The following IFFO1 variants were observed in gnomAD, a reference collection of about 807,000 sequenced individuals.
The protein encoded by IFFO1 is non-homologous end joining factor IFFO1.
IFFO1 carries 42 observed loss-of-function variants against 59.6 expected under a neutral mutation model. The ratio of observed to expected loss-of-function variants is 0.70; its 90% confidence interval spans 0.55 to 0.91. The LOEUF is 0.91. IFFO1 is among the 40% of genes least tolerant of loss of function. The pLI, the probability that IFFO1 is intolerant of heterozygous loss-of-function variation, is 0.00. For synonymous variants in IFFO1, 336 were observed against 342.8 expected (o/e 0.98, Z 0.22); for missense variants, 711 against 793.2 (o/e 0.90, Z 1.24).
chr12:6,541,512 C>A lies in IFFO1; in HGVS notation c.1610G>T (p.Arg537Leu). Residue 537 changes from arginine (R) to leucine (L), a missense_variant and splice_region_variant, in exon 9 of 10, where the codon CGA becomes CTA. Arg to Leu is a moderately radical substitution (Grantham distance 102, BLOSUM62 -2). Around this residue, in one of 3 missense-constraint regions of IFFO1, gnomAD observed 579 missense variants for 650.3 expected, o/e 0.89. Coordinates refer to ENST00000619571, the MANE Select transcript of IFFO1 (RefSeq NM_001193457.2). This position sits in a 1 kb window ranked among gnomAD's most constrained non-coding sequence, Gnocchi z 4.8. ...CRRLITQSGD[R>L]KSPAFTAVPL... is the part of the protein sequence containing the mutation. ...CCCCATGCCCAGGGGAGGCGCCTAC[C>A]GGTCTCCAGACTGGGTGATGAGCCG... 4 of 1,613,636 alleles carry A rather than the reference C, an allele frequency of 2.5e-6. No homozygotes were observed. Among genetic ancestry groups the A allele is most frequent in the Non-Finnish European group, 3.4e-6 (4 of 1,179,982 alleles).
At chr12:6,547,372 G>C (rs1441276946) in intron 8 of IFFO1, among the ~76,000 whole-genome samples, 3 of 151,410 alleles carry the variant, frequency 2.0e-5, no homozygotes, top group Non-Finnish European at 4.4e-5. Context: ...TGGAGTGACA[G>C]AGCAAGACCC....
chr12:6,545,423 C>T (rs1256965145), intron 8 of IFFO1, among the ~76,000 whole-genome samples: 3 of 151,968 alleles, frequency 2.0e-5, no homozygotes, highest in East Asian at 1.9e-4. Flanking sequence ...CTGCCGGGCG[C>T]GGTGGCTCAC....
rs137863705 is a variant in IFFO1, at chr12:6,552,077, G to T, written c.774-1076C>A. 3.1e-4 allele frequency among the ~76,000 whole-genome samples: 47 copies of T among 152,294 alleles called. No homozygotes were observed. The East Asian group carries it at 9.1e-3, about 29-fold the overall frequency. ...GTCAACCCGAGAAGGGAGGGGAACT[G>T]CACCAAGAGAGAAACTTCAACACAA... is the stretch of plus-strand genomic sequence containing the variant. On this transcript the variant is annotated intron_variant, in intron 1 of 9. Transcript: ENST00000619571.
At chr12:6,546,921 G>A (rs1418944363) in intron 8 of IFFO1, among the ~76,000 whole-genome samples, 2 of 152,186 alleles carry the variant, frequency 1.3e-5, no homozygotes, top group Non-Finnish European at 2.9e-5. Flanking sequence ...TTATCTCAAA[G>A]GCTGAGTGGA....
chr12:6,553,148 G>T (rs536424470), intron 1 of IFFO1, among the ~76,000 whole-genome samples: 3 of 152,278 alleles, frequency 2.0e-5, no homozygotes, highest in African/African-American at 7.2e-5. Flanking sequence ...GCTATAAAGA[G>T]ACCAGAATGA....
At chr12:6,546,186 A>C (rs1412791774) in intron 8 of IFFO1, among the ~76,000 whole-genome samples, 1 of 152,256 alleles carries the variant, frequency 6.6e-6, no homozygotes, top group Non-Finnish European at 1.5e-5. Context: ...ATGAACAGAA[A>C]CACGTTCCAG....
At chr12:6,552,540 A>G (rs1442880401) in intron 1 of IFFO1, among the ~76,000 whole-genome samples, 1 of 152,118 alleles carries the variant, frequency 6.6e-6, no homozygotes, top group Non-Finnish European at 1.5e-5. Flanking sequence ...TGGTTTCTTC[A>G]TCTATGATGT....
At position 6,548,179 on chromosome 12, in the gene IFFO1, CGGGG is replaced by C; in HGVS notation, c.1384-23_1384-20del. ...CCTGCTGCTGGAGTAGAAAGGGAAG[CGGGG>C]GAGGCCAGCCAAGGAGGGATGGGAT... On this transcript the variant is annotated intron_variant, in intron 7 of 9. Coordinates refer to ENST00000619571, the MANE Select transcript of IFFO1 (RefSeq NM_001193457.2). The surrounding 1 kb of genome is among the most constrained non-coding windows in gnomAD (Gnocchi z 6.1). 6.2e-7 allele frequency: 1 copy of C among 1,601,558 alleles called. No individual in the cohort carries two copies. The highest frequency in any genetic ancestry group is 8.6e-7 in the Non-Finnish European group (1 of 1,168,864).
chr12:6,551,113 C>A, intron 1 of IFFO1, 112 bp from the exon 2 acceptor site: 1 of 1,065,564 alleles, frequency 9.4e-7, no homozygotes, highest in East Asian at 2.5e-5. Flanking sequence ...TTCTGGTTCC[C>A]TGGATGGGGA....
chr12:6,550,004 C>A (rs1947164772), intron 3 of IFFO1, 108 bp from the exon 4 acceptor site: 1 of 1,246,538 alleles, frequency 8.0e-7, no homozygotes, highest in Admixed American at 2.3e-5. Context: ...ACCGGTGCCT[C>A]TTCTGTGGAG....
rs563989383 is a variant in IFFO1, at chr12:6,555,116, A to G, written c.773+141T>C. 25 of 831,574 alleles carry G rather than the reference A, an allele frequency of 3.0e-5. No homozygotes were observed. The highest frequency in any genetic ancestry group is 5.1e-5 in the East Asian group (2 of 39,304). The allele number at this position is 831,574 out of a possible 1,614,324, so 51.5% of individuals were successfully genotyped here. A position where few individuals can be genotyped will look rare whatever the true frequency, so the allele number is the denominator to read the frequency against. On this transcript the variant is annotated intron_variant, in intron 1 of 9. Coordinates refer to ENST00000619571, the MANE Select transcript of IFFO1 (RefSeq NM_001193457.2). This position sits in a 1 kb window ranked among gnomAD's most constrained non-coding sequence, Gnocchi z 8.6. ...GCGGATTCTAGTCTCCCTGCATCCA[A>G]TTGCTTCCAAGCTCCTCATTACACA...
chr12:6,546,006 T>C (rs1946944952), intron 8 of IFFO1, among the ~76,000 whole-genome samples: 1 of 152,154 alleles, frequency 6.6e-6, no homozygotes, highest in Admixed American at 6.6e-5. Context: ...GATGCTGAGG[T>C]TGGTAAGCTC....
At position 6,540,302 on chromosome 12, in the gene IFFO1, G is replaced by GT. The variant is rs1437051299; in HGVS notation, c.*180_*181insA. ...AATGGTAGGGCCAAGCCTAGCTCCA[G>GT]ACACCCCAGAGCCCTGGAGAAGCCA... On this transcript the variant is annotated 3_prime_UTR_variant, in exon 10 of 10. Transcript: ENST00000619571. 43 of 611,684 alleles carry GT rather than the reference G, an allele frequency of 7.0e-5. No homozygotes were observed. The highest frequency in any genetic ancestry group is 8.6e-4 in the Middle Eastern group (2 of 2,334). The allele number at this position is 611,684 out of a possible 1,614,324, so 37.9% of individuals were successfully genotyped here.
Position 6,548,022 on chromosome 12 carries a change from C to T in IFFO1, c.1479+43G>A, listed in dbSNP as rs1356075494. On this transcript the variant is annotated intron_variant, in intron 8 of 9. Coordinates refer to ENST00000619571, the MANE Select transcript of IFFO1 (RefSeq NM_001193457.2). The surrounding 1 kb of genome is among the most constrained non-coding windows in gnomAD (Gnocchi z 6.1). ...ACTGCGCCTGCAGCCCCACTCAAAACCCTCTGGGACACCACGCCCCTGGCT... is the reference window on the plus strand; with the variant it reads ...ACTGCGCCTGCAGCCCCACTCAAAATCCTCTGGGACACCACGCCCCTGGCT... The T allele has an allele frequency of 6.7e-7, 1 of 1,482,256 alleles. No homozygotes were observed. The highest frequency in any genetic ancestry group is 1.4e-5 in the African/African-American group (1 of 72,268). 91.8% of individuals were successfully genotyped at this position (1,482,256 alleles called of 1,614,324 possible). A position where few individuals can be genotyped will look rare whatever the true frequency, so the allele number is the denominator to read the frequency against.
intron 8 of IFFO1, among the ~76,000 whole-genome samples, chr12:6,545,129 G>T (rs1946892978): frequency 6.6e-6 from 1 of 151,968 alleles, no homozygotes; most frequent in South Asian, 2.1e-4. Context: ...GCAGGAGAAT[G>T]GCGTGAACCT....
chr12:6,555,619 C>T lies in IFFO1; in HGVS notation c.411G>A (p.Leu137=), dbSNP rs1947410077. 9.5e-6 allele frequency: 14 copies of T among 1,477,296 alleles called. No homozygotes were observed. Among genetic ancestry groups the T allele is most frequent in the South Asian group, 1.3e-5 (1 of 75,044 alleles). The allele number at this position is 1,477,296 out of a possible 1,614,324, so 91.5% of individuals were successfully genotyped here. ...QTGFVSPIRP[L]GLQLGARPAA... is the part of the protein sequence containing the mutation. Reference sequence around the variant, plus strand: ...CCGGCCGGGCGCCCAGCTGCAGCCCCAGGGGCCGGATGGGGCTGACGAAGC... The same window carrying T: ...CCGGCCGGGCGCCCAGCTGCAGCCCTAGGGGCCGGATGGGGCTGACGAAGC... Residue 137 remains leucine (L), a synonymous_variant, in exon 1 of 10, where the codon CTG becomes CTA. Coordinates refer to ENST00000619571, the MANE Select transcript of IFFO1 (RefSeq NM_001193457.2). This position sits in a 1 kb window ranked among gnomAD's most constrained non-coding sequence, Gnocchi z 8.6.
At chr12:6,540,715 G>T in intron 9 of IFFO1, 127 bp from the exon 10 acceptor site, 1 of 765,222 alleles carries the variant, frequency 1.3e-6, no homozygotes, top group Non-Finnish European at 2.2e-6. Context: ...GCGGGGCCGC[G>T]GGATGGCGAG....
rs907375790 is a variant in IFFO1 at position 6,548,900 on chromosome 12, C to T, written c.1081-51G>A. On this transcript the variant is annotated intron_variant, in intron 5 of 9. Coordinates refer to ENST00000619571, the MANE Select transcript of IFFO1 (RefSeq NM_001193457.2). This position sits in a 1 kb window ranked among gnomAD's most constrained non-coding sequence, Gnocchi z 6.1. ...AGGAGAAAGGGCGGGAGCGGGAGGC[C>T]GGGCAGAGAGGGTGGGAATGGGGGA... 7.5e-5 allele frequency: 113 copies of T among 1,507,022 alleles called. No individual in the cohort carries two copies. The highest frequency in any genetic ancestry group is 3.4e-4 in the Middle Eastern group (2 of 5,834). 93.4% of individuals were successfully genotyped at this position (1,507,022 alleles called of 1,614,324 possible). A position where few individuals can be genotyped will look rare whatever the true frequency, so the allele number is the denominator to read the frequency against.
Position 6,541,693 on chromosome 12 carries a change from G to T in IFFO1, c.1480-51C>A. The T allele has an allele frequency of 1.2e-6, 2 of 1,607,456 alleles. No individual in the cohort carries two copies. Among genetic ancestry groups the T allele is most frequent in the East Asian group, 2.2e-5 (1 of 44,834 alleles). On this transcript the variant is annotated intron_variant, in intron 8 of 9. Transcript: ENST00000619571. The surrounding 1 kb of genome is among the most constrained non-coding windows in gnomAD (Gnocchi z 4.8). ...GGGGTTAACAGGTGGCGTTCACAGC[G>T]CCTCTGTTGCCCCCGCCAGGAGGCC... is the stretch of plus-strand genomic sequence containing the variant.
Sources: gnomAD v4.1 joint callset for allele counts (sites outside exome capture counted in the v4.1 genomes callset) on GRCh38, gnomAD v4.1.1 for gene constraint, gnomAD v4.1.1 regional missense constraint, Gnocchi (gnomAD v3.1) non-coding constraint, MANE v1.5 for transcripts, NCBI Gene and HGNC (gene_info 2026-07-23, HGNC 2026-07-21) for gene names.